The following RMDN1 variants were observed in gnomAD, a reference collection of about 807,000 sequenced individuals.
The protein encoded by RMDN1 is regulator of microtubule dynamics 1, also known as regulator of microtubule dynamics protein 1.
RMDN1 carries 48 observed loss-of-function variants against 48.9 expected under a neutral mutation model. That is an observed-to-expected ratio of 0.98 (90% CI 0.78 to 1.25). The LOEUF (loss-of-function observed/expected upper bound fraction) is 1.25. Ranked by LOEUF, RMDN1 falls within the 50% of genes most tolerant of loss-of-function variation. The probability of loss-of-function intolerance (pLI) is 0.00; values close to 1 mark genes in which losing one functional copy is unlikely to be tolerated. For synonymous variants in RMDN1, 148 were observed against 132.6 expected (o/e 1.12, Z -0.80); for missense variants, 418 against 373.4 (o/e 1.12, Z -0.98).
intron 2 of RMDN1, among the ~76,000 whole-genome samples, chr8:86,502,412 T>C (rs752614494): frequency 2.7e-5 from 4 of 150,138 alleles, no homozygotes; most frequent in South Asian, 4.2e-4. Flanking sequence ...ATTTGAATTT[T>C]TGTAGAGATG....
chr8:86,482,874 G>T, intron 5 of RMDN1: 1 of 1,152,296 alleles, frequency 8.7e-7, no homozygotes, highest in Non-Finnish European at 1.3e-6. Flanking sequence ...GAAGGCCCTG[G>T]GGTCCCAGTT....
intron 1 of RMDN1, 89 bp from the exon 2 acceptor site, chr8:86,507,201 C>A: frequency 1.3e-6 from 1 of 741,446 alleles, no homozygotes. Context: ...TTTTCTCCCA[C>A]CCCCAAAGCA....
In RMDN1 at chr8:86,508,288, TTC is replaced by T. The variant is rs1170419673; in HGVS notation, c.129+202_129+203del. On this transcript the variant is annotated intron_variant, in intron 1 of 9. Transcript: ENST00000406452. Reference sequence around the variant, plus strand: ...GGCGCGTGGGGGCAAACCCCACTCCTTCTCTGACAGCCCCAGTTAAGGATAGT... The same window carrying T: ...GGCGCGTGGGGGCAAACCCCACTCCTTCTGACAGCCCCAGTTAAGGATAGT... 20 of 524,766 alleles carry T rather than the reference TTC, an allele frequency of 3.8e-5. No individual in the cohort carries two copies. In the Admixed American group the frequency reaches 7.8e-4, roughly 21 times the overall value. The allele number at this position is 524,766 out of a possible 1,614,324, so 32.5% of individuals were successfully genotyped here.
chr8:86,482,055 C>G, intron 5 of RMDN1: 1 of 665,436 alleles, frequency 1.5e-6, no homozygotes, highest in East Asian at 2.7e-5. Context: ...CACTGGTCCT[C>G]CTGCTAAAGC....
chr8:86,481,712 C>T, intron 5 of RMDN1: 1 of 574,038 alleles, frequency 1.7e-6, no homozygotes, highest in Non-Finnish European at 2.9e-6. Context: ...TGGTCTCTGT[C>T]AGGCCAAGAA....
rs1330419213 is a variant in RMDN1 at position 86,504,779 on chromosome 8, G to A, written c.247+2216C>T. On this transcript the variant is annotated intron_variant, in intron 2 of 9. Coordinates refer to ENST00000406452, the MANE Select transcript of RMDN1 (RefSeq NM_016033.3). ...TCAGCCAGGGCCCCCGCCCAGCTGC[G>A]ACTGCAATGGCCGGCTGCTCCAACT... 3.4e-5 allele frequency: 36 copies of A among 1,043,800 alleles called. No homozygotes were observed. In the East Asian group the frequency reaches 4.7e-4, roughly 14 times the overall value. The allele number at this position is 1,043,800 out of a possible 1,614,324, so 64.7% of individuals were successfully genotyped here.
chr8:86,468,393 C>A (rs1161926105), downstream of RMDN1: 4 of 451,428 alleles, frequency 8.9e-6, no homozygotes, highest in African/African-American at 2.0e-5. Context: ...TTTCCAAATC[C>A]TTATTATGAA....
At position 86,483,141 on chromosome 8, in the gene RMDN1, G is replaced by C. The variant is rs753990593; in HGVS notation, c.585+1731C>G. The C allele has an allele frequency of 9.0e-6, 3 of 333,472 alleles. 1 individual carries two copies. The highest frequency in any genetic ancestry group is 1.6e-5 in the Non-Finnish European group (3 of 184,720). 20.7% of individuals were successfully genotyped at this position (333,472 alleles called of 1,614,324 possible). On this transcript the variant is annotated intron_variant, in intron 5 of 9. Transcript: ENST00000406452. ...ATAATCCAAAGATGTTACCACTTTA[G>C]ATATATAATGGAATTTGAAATGTAA...
At chr8:86,489,255 C>T (rs925455268) in intron 2 of RMDN1, among the ~76,000 whole-genome samples, 6 of 152,160 alleles carry the variant, frequency 3.9e-5, no homozygotes, top group African/African-American at 4.8e-5. Flanking sequence ...GCTAACTACA[C>T]ACTAAATCTG....
rs145242082 is a variant in RMDN1 at position 86,472,735 on chromosome 8, A to G, written c.*1573T>C. On this transcript the variant is annotated 3_prime_UTR_variant, in exon 10 of 10. Coordinates refer to ENST00000406452, the MANE Select transcript of RMDN1 (RefSeq NM_016033.3). The stretch of plus-strand genomic sequence containing the variant: ...GTTAAGTACTTATGCATGAATAAGT[A>G]TAAGAAAATAACTGCTTATTGGTAG... The G allele has an allele frequency of 1.5e-4, 63 of 421,416 alleles. No individual in the cohort carries two copies. The Admixed American group carries it at 2.4e-3, about 16-fold the overall frequency. The allele number at this position is 421,416 out of a possible 1,614,324, so 26.1% of individuals were successfully genotyped here. A position where few individuals can be genotyped will look rare whatever the true frequency, so the allele number is the denominator to read the frequency against.
At chr8:86,470,241 A>C, downstream of RMDN1, 1 of 1,289,384 alleles carries the variant, frequency 7.8e-7, no homozygotes, top group Non-Finnish European at 1.0e-6. Flanking sequence ...TACGTGGGGA[A>C]ATAAGCATCT....
rs927436481 is a variant in RMDN1, at chr8:86,478,062, A to AT, written c.730-739dup. 7 of 151,544 alleles carry AT rather than the reference A, an allele frequency of 4.6e-5. 1 individual carries two copies. The East Asian group carries it at 5.8e-4, about 13-fold the overall frequency. The allele number at this position is 151,544 out of a possible 1,614,324, so 9.4% of individuals were successfully genotyped here. A position where few individuals can be genotyped will look rare whatever the true frequency, so the allele number is the denominator to read the frequency against. Reference sequence around the variant, plus strand: ...GCCACCACACCTGGCTAATTTTTGTATTTTTTTTGCAGAGGTTTTGCCACG... The same window carrying AT: ...GCCACCACACCTGGCTAATTTTTGTATTTTTTTTTGCAGAGGTTTTGCCACG... On this transcript the variant is annotated intron_variant, in intron 7 of 9. Transcript: ENST00000406452.
chr8:86,491,788 T>C (rs1816549409), intron 2 of RMDN1, among the ~76,000 whole-genome samples: 1 of 152,194 alleles, frequency 6.6e-6, no homozygotes, highest in South Asian at 2.1e-4. Context: ...ACCTCCTACA[T>C]ATATGTTAGT....
At chr8:86,480,434 T>G (rs1198660840) in intron 5 of RMDN1, 102 bp from the exon 6 acceptor site, 9 of 580,852 alleles carry the variant, frequency 1.5e-5, no homozygotes, top group Non-Finnish European at 2.1e-5. Context: ...AAAATGCAAC[T>G]GTGTGTTTCA....
At chr8:86,496,437 A>T (rs1470354642) in intron 2 of RMDN1, among the ~76,000 whole-genome samples, 1 of 152,200 alleles carries the variant, frequency 6.6e-6, no homozygotes, top group Non-Finnish European at 1.5e-5. Context: ...AGGCTCAAAG[A>T]AAAGGAATGG....
upstream of RMDN1, among the ~76,000 whole-genome samples, chr8:86,513,592 G>C (rs1820160490): frequency 1.3e-5 from 2 of 152,178 alleles, no homozygotes; most frequent in Non-Finnish European, 2.9e-5. Context: ...TTTGAGGTTA[G>C]TTTACTTACA....
At chr8:86,500,399 A>G (rs538158386) in intron 2 of RMDN1, among the ~76,000 whole-genome samples, 61 of 152,088 alleles carry the variant, frequency 4.0e-4, no homozygotes, top group Non-Finnish European at 7.6e-4. Flanking sequence ...AAAGACATAC[A>G]AGCAGCAGCC....
At chr8:86,487,219 T>C (rs1016509122) in intron 3 of RMDN1, among the ~76,000 whole-genome samples, 18 of 152,244 alleles carry the variant, frequency 1.2e-4, no homozygotes, top group African/African-American at 2.9e-4. Context: ...AGTAAGAGCA[T>C]TGGATTCTTT....
At chr8:86,484,718 CA>C (rs34599016) in intron 5 of RMDN1, 153 bp downstream of exon 5, 37,149 of 272,082 alleles carry the variant, frequency 0.14, no homozygotes, top group South Asian at 0.16. Context: ...AACTCCGTCT[CA>C]AAAAAAAAAA....
Sources: allele counts gnomAD v4.1 joint callset (sites outside exome capture counted in the v4.1 genomes callset), GRCh38; gene constraint gnomAD v4.1.1; transcripts MANE v1.5; gene names NCBI Gene and HGNC (gene_info 2026-07-23, HGNC 2026-07-21).